Variants in MSR1 observed in about 807,000 individuals in gnomAD.
MSR1 encodes macrophage scavenger receptor types I and II.
Under a neutral mutation model 47.2 loss-of-function variants are expected in MSR1, and 53 were observed. That is an observed-to-expected ratio of 1.12 (90% confidence interval 0.90 to 1.41). MSR1 has a LOEUF of 1.41. MSR1 is among the 40% of genes most tolerant of loss of function. The pLI, the probability that MSR1 is intolerant of heterozygous loss-of-function variation, is 0.00. For missense variants in MSR1, 786 were observed against 546.9 expected (o/e 1.44, Z -4.36); for synonymous variants, 239 against 185.6 (o/e 1.29, Z -2.34).
At chr8:16,121,163 T>C (rs1423852325) in intron 8 of MSR1, 1 of 436,540 alleles carries the variant, frequency 2.3e-6, no homozygotes, top group Admixed American at 2.5e-5. Context: ...ACTTTCCTTG[T>C]TGTGAGGTTC....
chr8:16,137,057 AATAAAAAAAG>A (rs1448039925), intron 8 of MSR1, among the ~76,000 whole-genome samples: 1 of 151,998 alleles, frequency 6.6e-6, no homozygotes, highest in Non-Finnish European at 1.5e-5. Context: ...AAAAAGACAC[AATAAAAAAAG>A]AGAGACATTG....
intron 6 of MSR1, among the ~76,000 whole-genome samples, chr8:16,152,081 TCC>T (rs879408967): frequency 2.4e-3 from 365 of 152,220 alleles, no homozygotes; most frequent in Admixed American, 6.2e-3. Flanking sequence ...CTTGTTCTCC[TCC>T]CCCTCTTCCT....
At chr8:16,138,357 G>A (rs1477524735) in intron 8 of MSR1, among the ~76,000 whole-genome samples, 4 of 152,128 alleles carry the variant, frequency 2.6e-5, no homozygotes, top group Non-Finnish European at 1.5e-5. Flanking sequence ...CACAACAGAC[G>A]ATTCACTATG....
At chr8:16,174,030 C>T (rs351566) in intron 3 of MSR1, among the ~76,000 whole-genome samples, 1 of 152,314 alleles carries the variant, frequency 6.6e-6, no homozygotes, top group East Asian at 1.9e-4. Flanking sequence ...CAGAGTAACT[C>T]GGGTTCGGAA....
chr8:16,143,478 T>A, intron 8 of MSR1, 80 bp downstream of exon 8: 1 of 1,290,380 alleles, frequency 7.7e-7, no homozygotes, highest in Non-Finnish European at 1.1e-6. Context: ...TGCGAACATT[T>A]GCCTCAAGCC....
chr8:16,150,385 C>T (rs1800823336), intron 6 of MSR1, 74 bp from the exon 7 acceptor site: 6 of 748,360 alleles, frequency 8.0e-6, no homozygotes, highest in Non-Finnish European at 1.0e-5. Context: ...ATGAAAACAT[C>T]TAGTTTTATA....
At chr8:16,138,543 G>GA (rs1440151647) in intron 8 of MSR1, among the ~76,000 whole-genome samples, 1 of 152,118 alleles carries the variant, frequency 6.6e-6, no homozygotes, top group African/African-American at 2.4e-5. Flanking sequence ...TTTTCACACT[G>GA]AAAAATCTAT....
At chr8:16,127,825 T>C (rs1800163724) in intron 8 of MSR1, among the ~76,000 whole-genome samples, 2 of 152,178 alleles carry the variant, frequency 1.3e-5, no homozygotes, top group Non-Finnish European at 2.9e-5. Context: ...ATTAAAGATG[T>C]TTCTGTTACT....
intron 3 of MSR1, among the ~76,000 whole-genome samples, chr8:16,169,555 C>G (rs73665244): frequency 0.046 from 6,955 of 151,988 alleles, 496 homozygotes; most frequent in African/African-American, 0.15. Context: ...AGAAAATATA[C>G]ATAATATGGA....
In MSR1 at chr8:16,168,882, A is replaced by C; in HGVS notation, c.218-12T>G. 6.2e-7 allele frequency: 1 copy of C among 1,610,224 alleles called. No homozygotes were observed. Among genetic ancestry groups the C allele is most frequent in the Non-Finnish European group, 8.5e-7 (1 of 1,179,804 alleles). ...CTTCAGGAGTTGAGCTGTATATTTA[A>C]GTAAAAATAAACCAGTCATGGCCTG... On this transcript the variant is annotated splice_polypyrimidine_tract_variant and intron_variant, in intron 3 of 9. Transcript: ENST00000262101.
chr8:16,110,400 T>G (rs2117042377), intron 9 of MSR1, among the ~76,000 whole-genome samples, 182 bp from the exon 10 acceptor site: 1 of 152,256 alleles, frequency 6.6e-6, no homozygotes, highest in East Asian at 1.9e-4. Flanking sequence ...CACTTTATAC[T>G]CTGTTAACAT....
chr8:16,186,100 T>C (rs1204896973), intron 1 of MSR1: 8 of 1,363,690 alleles, frequency 5.9e-6, no homozygotes, highest in Non-Finnish European at 8.0e-6. Context: ...AGATTGGCAG[T>C]AATAAATGTA....
In MSR1 at chr8:16,143,616, A is replaced by AG. The variant is rs1800621301; in HGVS notation, c.980-6dup. 3.1e-6 allele frequency: 5 copies of AG among 1,610,410 alleles called. No individual in the cohort carries two copies. The stretch of plus-strand genomic sequence containing the variant: ...GGCCTTTTGGTCCAGAATTTCCTTG[A>AG]GAAAAGAAGAAAAATATTTGTTTTT... On this transcript the variant is annotated splice_region_variant and splice_polypyrimidine_tract_variant and intron_variant, in intron 7 of 9. Coordinates refer to ENST00000262101, the MANE Select transcript of MSR1 (RefSeq NM_138715.3).
At position 16,122,801 on chromosome 8, in the gene MSR1, C is replaced by G. The variant is rs1303460823; in HGVS notation, c.1034-2195G>C. 2.7e-5 allele frequency among the ~76,000 whole-genome samples: 4 copies of G among 150,648 alleles called. No individual in the cohort carries two copies. The East Asian group carries it at 5.9e-4, about 22-fold the overall frequency. The stretch of plus-strand genomic sequence containing the variant: ...GTAAATTTCTGCCAAATTCCGTATG[C>G]TCAAGGGATCCTGAGGGGGAGTAGG... On this transcript the variant is annotated intron_variant, in intron 8 of 9. Coordinates refer to ENST00000262101, the MANE Select transcript of MSR1 (RefSeq NM_138715.3).
chr8:16,159,399 A>C (rs1340830066), intron 5 of MSR1, among the ~76,000 whole-genome samples: 3 of 151,890 alleles, frequency 2.0e-5, no homozygotes, highest in Non-Finnish European at 4.4e-5. Flanking sequence ...CATTTCCACA[A>C]TGAAATTTTA....
chr8:16,147,791 T>C (rs1439996300), intron 7 of MSR1, among the ~76,000 whole-genome samples: 2 of 152,122 alleles, frequency 1.3e-5, no homozygotes, highest in Non-Finnish European at 2.9e-5. Flanking sequence ...GTCCTAAGGA[T>C]ATGTTTTGTC....
At chr8:16,155,011 A>G in intron 6 of MSR1, 53 bp downstream of exon 6, 1 of 1,420,284 alleles carries the variant, frequency 7.0e-7, no homozygotes, top group Non-Finnish European at 9.9e-7. Context: ...ATGTACCTGG[A>G]TGTATATCAT....
At chr8:16,173,981 T>A (rs1018887316) in intron 3 of MSR1, among the ~76,000 whole-genome samples, 1 of 152,154 alleles carries the variant, frequency 6.6e-6, no homozygotes, top group Middle Eastern at 3.2e-3. Flanking sequence ...CCAACCATGT[T>A]GTTTTATAAA....
rs576113089 is a variant in MSR1 at position 16,116,954 on chromosome 8, A to G, written c.1222+3464T>C. Among the ~76,000 whole-genome samples, 13 of 152,028 alleles carry G rather than the reference A, an allele frequency of 8.6e-5. No individual in the cohort carries two copies. In the South Asian group the frequency reaches 1.9e-3, roughly 22 times the overall value. On this transcript the variant is annotated intron_variant, in intron 9 of 9. Transcript: ENST00000262101. ...TAGCTTTCCTTGAATTAAAGTACAT[A>G]TACTACTACTGTTGCTCTCCATTTG...
Sources: allele counts gnomAD v4.1 joint callset (sites outside exome capture counted in the v4.1 genomes callset), GRCh38; gene constraint gnomAD v4.1.1; transcripts MANE v1.5; gene names NCBI Gene and HGNC (gene_info 2026-07-23, HGNC 2026-07-21).